Variants in PRKG1 observed in about 807,000 individuals in gnomAD.
PRKG1 encodes the protein cGMP-dependent protein kinase 1.
PRKG1 carries 35 observed loss-of-function variants against 88.1 expected under a neutral mutation model. The ratio of observed to expected loss-of-function variants is 0.40; its 90% CI spans 0.30 to 0.53. The LOEUF (loss-of-function observed/expected upper bound fraction) is 0.53, where lower values mean the gene tolerates loss of function less well. Among genes scored for constraint, PRKG1 ranks in the 20% least tolerant of loss-of-function variants. The probability of loss-of-function intolerance (pLI) is 0.59; values close to 1 mark genes in which losing one functional copy is unlikely to be tolerated. For missense variants in PRKG1, 540 were observed against 839.8 expected, an observed-to-expected ratio of 0.64 and a Z score of 4.41; for synonymous variants, 303 against 292.5, an observed-to-expected ratio of 1.04 and a Z score of -0.37.
chr10:51,137,666 C>G (rs1845721477), intron 1 of PRKG1, among the ~76,000 whole-genome samples: 2 of 152,194 alleles, frequency 1.3e-5, no homozygotes, highest in South Asian at 2.1e-4. Flanking sequence ...TTGAGTTGAC[C>G]TACTGAATTT....
intron 9 of PRKG1, among the ~76,000 whole-genome samples, chr10:52,180,074 A>T (rs1043929775): frequency 6.6e-6 from 1 of 152,168 alleles, no homozygotes; most frequent in East Asian, 1.9e-4. Flanking sequence ...GTCCCTCATA[A>T]ATCGTTTAGG....
intron 3 of PRKG1, among the ~76,000 whole-genome samples, chr10:51,561,460 G>A (rs1837459756): frequency 6.6e-6 from 1 of 152,154 alleles, no homozygotes; most frequent in Non-Finnish European, 1.5e-5. Flanking sequence ...TGAGGACTGT[G>A]TGTCAGGTGT....
intron 4 of PRKG1, among the ~76,000 whole-genome samples, chr10:51,902,666 G>A (rs1356838850): frequency 1.3e-5 from 2 of 152,086 alleles, no homozygotes; most frequent in Admixed American, 1.3e-4. Context: ...ACTAGTAAGA[G>A]CACAGTAGAA....
chr10:51,097,364 A>G (rs1222579429), intron 1 of PRKG1, among the ~76,000 whole-genome samples: 1 of 152,126 alleles, frequency 6.6e-6, no homozygotes, highest in African/African-American at 2.4e-5. Flanking sequence ...CTGGGATTAC[A>G]GGTGCCTGCC....
At chr10:51,727,383 T>G (rs1397324029) in intron 3 of PRKG1, among the ~76,000 whole-genome samples, 1 of 151,984 alleles carries the variant, frequency 6.6e-6, no homozygotes, top group Non-Finnish European at 1.5e-5. Flanking sequence ...TGCTCAGGAT[T>G]GTGTCTATTG....
chr10:51,153,795 A>G (rs1037052770), intron 2 of PRKG1, among the ~76,000 whole-genome samples: 4 of 152,062 alleles, frequency 2.6e-5, no homozygotes, highest in Non-Finnish European at 4.4e-5. Flanking sequence ...AGAGGCAGAC[A>G]ATAAAGGTTG....
intron 3 of PRKG1, among the ~76,000 whole-genome samples, chr10:51,569,036 A>G (rs930516451): frequency 3.7e-5 from 5 of 133,396 alleles, no homozygotes; most frequent in African/African-American, 2.1e-4. Context: ...TTACAATATA[A>G]TATGACTTGC....
At chr10:51,746,528 C>T (rs1441060377) in intron 3 of PRKG1, among the ~76,000 whole-genome samples, 4 of 151,940 alleles carry the variant, frequency 2.6e-5, no homozygotes, top group Non-Finnish European at 4.4e-5. Flanking sequence ...TCGAGACCAG[C>T]CTGGCCAGTG....
At chr10:51,412,174 A>AGT (rs1427913893) in intron 2 of PRKG1, among the ~76,000 whole-genome samples, 254 of 68,316 alleles carry the variant, frequency 3.7e-3, no homozygotes, top group African/African-American at 0.014. Context: ...ATTAAAGGAG[A>AGT]GAGAGTGAGA....
intron 3 of PRKG1, among the ~76,000 whole-genome samples, chr10:51,471,112 A>G (rs1401402340): frequency 6.6e-6 from 1 of 151,730 alleles, no homozygotes; most frequent in Non-Finnish European, 1.5e-5. Context: ...TATAAAATTA[A>G]CATTATATTG....
At chr10:51,280,005 C>G (rs2132198551) in intron 2 of PRKG1, among the ~76,000 whole-genome samples, 1 of 152,276 alleles carries the variant, frequency 6.6e-6, no homozygotes, top group South Asian at 2.1e-4. Flanking sequence ...TTTGCAGTGG[C>G]TGGTACTGGT....
At chr10:51,723,003 T>C (rs180716810) in intron 3 of PRKG1, among the ~76,000 whole-genome samples, 1 of 152,342 alleles carries the variant, frequency 6.6e-6, no homozygotes, top group Admixed American at 6.5e-5. Flanking sequence ...AGAAGTTTTC[T>C]TTCATGAAAG....
At chr10:51,967,461 A>G (rs539371887) in intron 5 of PRKG1, among the ~76,000 whole-genome samples, 2 of 152,266 alleles carry the variant, frequency 1.3e-5, no homozygotes, top group South Asian at 4.1e-4. Flanking sequence ...CCTAATGTAT[A>G]CGACGTGTTA....
intron 3 of PRKG1, among the ~76,000 whole-genome samples, chr10:51,740,466 TCAAA>T (rs1337586512): frequency 1.3e-5 from 2 of 152,220 alleles, no homozygotes; most frequent in Non-Finnish European, 2.9e-5. Context: ...ATATTTTTTC[TCAAA>T]CAAATTTTGT....
intron 2 of PRKG1, among the ~76,000 whole-genome samples, chr10:51,295,024 A>G (rs970805753): frequency 6.6e-6 from 1 of 152,124 alleles, no homozygotes; most frequent in African/African-American, 2.4e-5. Context: ...TTGAGGCTGC[A>G]GTGAGCTATG....
At chr10:51,115,755 T>C (rs1845108286) in intron 1 of PRKG1, among the ~76,000 whole-genome samples, 1 of 150,484 alleles carries the variant, frequency 6.6e-6, no homozygotes, top group Non-Finnish European at 1.5e-5. Flanking sequence ...GAGAATTACT[T>C]GAACCTGGAG....
intron 5 of PRKG1, among the ~76,000 whole-genome samples, chr10:52,020,945 G>A (rs1845167778): frequency 6.6e-6 from 1 of 152,006 alleles, no homozygotes; most frequent in African/African-American, 2.4e-5. Context: ...CCTCTCCCTG[G>A]TGCCTGCTGC....
At chr10:51,148,875 G>A (rs903914437) in intron 1 of PRKG1, among the ~76,000 whole-genome samples, 1 of 151,966 alleles carries the variant, frequency 6.6e-6, no homozygotes, top group African/African-American at 2.4e-5. Context: ...TATTCTTTAT[G>A]TCTGTTATAT....
intron 1 of PRKG1, among the ~76,000 whole-genome samples, chr10:51,065,856 G>T (rs537410784): frequency 6.6e-6 from 1 of 152,186 alleles, no homozygotes; most frequent in Admixed American, 6.5e-5. Flanking sequence ...AAATATTAGG[G>T]TTAGTGTTAG....
Sources: gnomAD v4.1 joint callset for allele counts (sites outside exome capture counted in the v4.1 genomes callset) on GRCh38, gnomAD v4.1.1 for gene constraint, MANE v1.5 for transcripts, NCBI Gene and HGNC (gene_info 2026-07-23, HGNC 2026-07-21) for gene names.